The following LINGO2 variants were observed in gnomAD, a reference collection of about 807,000 sequenced individuals.
LINGO2 encodes the protein leucine rich repeat and Ig domain containing 2.
A neutral mutation model predicts 30.6 loss-of-function variants in LINGO2; 14 were observed. That is an observed-to-expected ratio of 0.46 (90% CI 0.30 to 0.72). The LOEUF is 0.72. Ranked by LOEUF, LINGO2 falls within the 30% of genes least tolerant of loss-of-function variation. The pLI is 0.07. For synonymous variants in LINGO2, 317 were observed against 288.5 expected, an observed-to-expected ratio of 1.10 and a Z score of -1.00; for missense variants, 729 against 751.7, an observed-to-expected ratio of 0.97 and a Z score of 0.35.
chr9:28,698,539 G>A, the LINGO2 span, among the ~76,000 whole-genome samples: 4 of 151,810 alleles, frequency 2.6e-5, no homozygotes, highest in Non-Finnish European at 5.9e-5. Flanking sequence ...TCAATTTCTA[G>A]GTATGAATAC....
the LINGO2 span, among the ~76,000 whole-genome samples, chr9:28,930,223 G>T: frequency 6.6e-6 from 1 of 151,802 alleles, no homozygotes; most frequent in African/African-American, 2.4e-5. This position sits in a 1 kb window ranked among gnomAD's most constrained non-coding sequence, Gnocchi z 4.2. Flanking sequence ...TGCTTCCTCT[G>T]CCTGCCACAC....
intron 4 of LINGO2, among the ~76,000 whole-genome samples, chr9:28,232,571 A>C (rs987860855): frequency 2.6e-5 from 4 of 152,114 alleles, no homozygotes; most frequent in Non-Finnish European, 5.9e-5. Flanking sequence ...AAGCTAATTA[A>C]TGTAACGAGC....
chr9:29,201,843 T>C, the LINGO2 span, among the ~76,000 whole-genome samples: 1 of 152,002 alleles, frequency 6.6e-6, no homozygotes, highest in African/African-American at 2.4e-5. Flanking sequence ...GAAAAGTGTT[T>C]TTCACCCCTA....
chr9:28,889,973 G>A, the LINGO2 span, among the ~76,000 whole-genome samples: 1 of 152,030 alleles, frequency 6.6e-6, no homozygotes, highest in Admixed American at 6.6e-5. Context: ...AAAAGCATGT[G>A]TATAGGCAAT....
the LINGO2 span, among the ~76,000 whole-genome samples, chr9:28,871,696 A>G: frequency 6.6e-6 from 1 of 151,950 alleles, no homozygotes; most frequent in South Asian, 2.1e-4. Flanking sequence ...TAGAAGGAGC[A>G]ATCTACTGAA....
chr9:28,647,893 C>CTTTTT (rs5897315), intron 1 of LINGO2, among the ~76,000 whole-genome samples: 9 of 130,230 alleles, frequency 6.9e-5, no homozygotes, highest in South Asian at 2.5e-4. Context: ...TTCTTTCTTT[C>CTTTTT]TTTTTTTTTT....
chr9:29,050,466 T>C, the LINGO2 span, among the ~76,000 whole-genome samples: 1 of 152,244 alleles, frequency 6.6e-6, no homozygotes, highest in South Asian at 2.1e-4. Flanking sequence ...ATGTATCTGT[T>C]GATTTTATGT....
chr9:28,960,279 T>G, the LINGO2 span, among the ~76,000 whole-genome samples: 2 of 152,034 alleles, frequency 1.3e-5, no homozygotes, highest in Non-Finnish European at 1.5e-5. Flanking sequence ...GCACGAAGAT[T>G]GCTTGAAGCC....
chr9:29,151,529 C>T, the LINGO2 span, among the ~76,000 whole-genome samples: 1 of 152,128 alleles, frequency 6.6e-6, no homozygotes, highest in African/African-American at 2.4e-5. Context: ...CATATAATGA[C>T]AGCCAGAGGC....
intron 1 of LINGO2, among the ~76,000 whole-genome samples, chr9:28,549,048 A>G (rs920850869): frequency 6.6e-5 from 10 of 152,200 alleles, no homozygotes; most frequent in African/African-American, 2.2e-4. Flanking sequence ...ATTAACCTGT[A>G]TACAGTTCTT....
At chr9:28,447,286 T>TAATC (rs544465131) in intron 2 of LINGO2, among the ~76,000 whole-genome samples, 30 of 152,154 alleles carry the variant, frequency 2.0e-4, no homozygotes, top group Non-Finnish European at 4.0e-4. Flanking sequence ...AGAAGGTGAT[T>TAATC]AATCATGAGG....
chr9:28,356,707 C>A (rs1472586280), intron 3 of LINGO2, among the ~76,000 whole-genome samples: 2 of 152,150 alleles, frequency 1.3e-5, no homozygotes, highest in Admixed American at 6.6e-5. Flanking sequence ...ATCACCTGGT[C>A]TCTGCCTGAA....
the LINGO2 span, among the ~76,000 whole-genome samples, chr9:28,844,510 G>A: frequency 6.6e-6 from 1 of 151,844 alleles, no homozygotes; most frequent in African/African-American, 2.4e-5. Flanking sequence ...TAACAAAAGT[G>A]CATGCAGTCT....
the LINGO2 span, among the ~76,000 whole-genome samples, chr9:28,952,815 G>A: frequency 6.6e-6 from 1 of 152,124 alleles, no homozygotes; most frequent in Non-Finnish European, 1.5e-5. Flanking sequence ...CAAAACGCAT[G>A]CCCATAGAAT....
At chr9:28,808,230 T>C in the LINGO2 span, among the ~76,000 whole-genome samples, 1 of 152,194 alleles carries the variant, frequency 6.6e-6, no homozygotes, top group Admixed American at 6.5e-5. Context: ...CATGAATCCT[T>C]AGTCATTCAT....
At chr9:28,351,484 G>A (rs1163611335) in intron 3 of LINGO2, among the ~76,000 whole-genome samples, 3 of 151,304 alleles carry the variant, frequency 2.0e-5, no homozygotes, top group African/African-American at 7.3e-5. Context: ...CCAATAACAG[G>A]AGCTGAAATT....
intron 1 of LINGO2, among the ~76,000 whole-genome samples, chr9:28,619,965 A>T (rs1026868832): frequency 1.3e-5 from 2 of 151,294 alleles, no homozygotes; most frequent in Non-Finnish European, 3.0e-5. Context: ...TTGTACTTGA[A>T]TTATTGTTAT....
intron 4 of LINGO2, among the ~76,000 whole-genome samples, chr9:28,154,473 A>T (rs1037686046): frequency 3.3e-5 from 5 of 152,182 alleles, no homozygotes; most frequent in Non-Finnish European, 1.5e-5. Context: ...GCCTATGAGT[A>T]GGTTTTTATT....
rs561336165 is a variant in LINGO2 at position 28,051,033 on chromosome 9, C to CCT, written c.-86-38630_-86-38629dup. Among the ~76,000 whole-genome samples, 33 of 150,998 alleles carry CCT rather than the reference C, an allele frequency of 2.2e-4. 2 individuals are homozygous for CCT. The highest frequency in any genetic ancestry group is 1.9e-3 in the Admixed American group (29 of 15,064). On this transcript the variant is annotated intron_variant, in intron 4 of 5. Coordinates refer to ENST00000379992, the Ensembl canonical transcript of LINGO2. ...GAAACAAAGTTCTGTTTTTAGCTAA[C>CCT]CTCTTTCTCAGTTCCAGCTTTTAGC...
Sources: allele counts gnomAD v4.1 joint callset (sites outside exome capture counted in the v4.1 genomes callset), GRCh38; gene constraint gnomAD v4.1.1; non-coding constraint Gnocchi (gnomAD v3.1); transcripts MANE v1.5; gene names NCBI Gene and HGNC (gene_info 2026-07-23, HGNC 2026-07-21).